The following SNTG1 variants were observed in gnomAD, a reference collection of about 807,000 sequenced individuals.
The protein encoded by SNTG1 is gamma-1-syntrophin.
A neutral mutation model predicts 74.7 loss-of-function variants in SNTG1; 39 were observed. That is an observed-to-expected ratio of 0.52 (90% CI 0.40 to 0.68). The LOEUF is 0.68. Among genes scored for constraint, SNTG1 ranks in the 30% least tolerant of loss-of-function variants. The pLI, the probability that SNTG1 is intolerant of heterozygous loss-of-function variation, is 0.00. For missense variants in SNTG1, 685 were observed against 609.5 expected (o/e 1.12, Z -1.30); for synonymous variants, 254 against 217.1 (o/e 1.17, Z -1.49).
intron 1 of SNTG1, among the ~76,000 whole-genome samples, chr8:50,160,029 C>T (rs939783468): frequency 6.6e-6 from 1 of 152,140 alleles, no homozygotes; most frequent in Non-Finnish European, 1.5e-5. Context: ...AACAATAAAA[C>T]AGTAGCAAAC....
chr8:50,135,453 T>C (rs535191571), intron 1 of SNTG1, among the ~76,000 whole-genome samples: 2 of 152,322 alleles, frequency 1.3e-5, no homozygotes, highest in African/African-American at 4.8e-5. Flanking sequence ...TTTCTATTTG[T>C]GTGTTTAGCA....
intron 9 of SNTG1, among the ~76,000 whole-genome samples, chr8:50,505,372 T>C (rs2093997488): frequency 1.3e-5 from 2 of 152,166 alleles, no homozygotes; most frequent in Non-Finnish European, 2.9e-5. Flanking sequence ...TCCTGGATCA[T>C]ATGTTAATTC....
chr8:49,911,324 T>C (rs1420550462), upstream of SNTG1: 2 of 151,956 alleles, frequency 1.3e-5, no homozygotes, highest in South Asian at 2.1e-4. Flanking sequence ...CAAATCTATA[T>C]ATTTTTTCTC....
chr8:50,451,233 G>A (rs972523852), intron 8 of SNTG1, among the ~76,000 whole-genome samples: 8 of 152,040 alleles, frequency 5.3e-5, no homozygotes, highest in Non-Finnish European at 1.0e-4. Context: ...CTATTACATA[G>A]TATTTGCATT....
chr8:50,511,230 C>G (rs200491647), intron 9 of SNTG1, among the ~76,000 whole-genome samples: 3 of 152,038 alleles, frequency 2.0e-5, no homozygotes, highest in South Asian at 2.1e-4. Flanking sequence ...GCGGTTTTGA[C>G]TGAGTTTCTT....
intron 2 of SNTG1, among the ~76,000 whole-genome samples, chr8:50,297,646 G>A (rs1056289151): frequency 3.3e-5 from 5 of 152,174 alleles, no homozygotes; most frequent in Non-Finnish European, 7.3e-5. Flanking sequence ...TGGAGAAAAG[G>A]AGTGTTCACA....
intron 2 of SNTG1, among the ~76,000 whole-genome samples, chr8:50,369,984 A>G (rs2131141572): frequency 6.6e-6 from 1 of 152,216 alleles, no homozygotes; most frequent in South Asian, 2.1e-4. Context: ...CCATGGTGTG[A>G]TCTGGCCATA....
chr8:50,717,063 A>G (rs1468871156), intron 17 of SNTG1, among the ~76,000 whole-genome samples: 2 of 152,184 alleles, frequency 1.3e-5, no homozygotes, highest in African/African-American at 4.8e-5. Context: ...ATACAAGGAC[A>G]TTATAGAGCA....
intron 8 of SNTG1, among the ~76,000 whole-genome samples, chr8:50,465,819 G>A (rs1385920605): frequency 6.6e-6 from 1 of 152,128 alleles, no homozygotes; most frequent in Non-Finnish European, 1.5e-5. Context: ...TATGGATGCA[G>A]TATAATTTGT....
In SNTG1 at chr8:50,264,268, T is replaced by C. The variant is rs2087339676; in HGVS notation, c.-28+91633T>C. ...TCAAATTAATAACCATAATTTTATC[T>C]TAAGAAACCAGAAAATGCACTGGGT... is the stretch of plus-strand genomic sequence containing the variant. On this transcript the variant is annotated intron_variant, in intron 2 of 18. Transcript: ENST00000642720. 2.0e-5 allele frequency among the ~76,000 whole-genome samples: 3 copies of C among 152,100 alleles called. No homozygotes were observed. The South Asian group carries it at 6.2e-4, about 32-fold the overall frequency.
chr8:50,478,434 G>A (rs1268835106), intron 8 of SNTG1, among the ~76,000 whole-genome samples: 5 of 152,068 alleles, frequency 3.3e-5, no homozygotes, highest in Non-Finnish European at 7.4e-5. Context: ...AATTTGATAA[G>A]CTAAAAGTTC....
chr8:50,434,346 A>C (rs1047644020), intron 4 of SNTG1, among the ~76,000 whole-genome samples: 3 of 152,194 alleles, frequency 2.0e-5, no homozygotes, highest in Non-Finnish European at 4.4e-5. Context: ...GCCACAATAA[A>C]TATACGTGTG....
chr8:50,149,573 G>A (rs929676375), intron 1 of SNTG1, among the ~76,000 whole-genome samples: 3 of 152,162 alleles, frequency 2.0e-5, no homozygotes, highest in South Asian at 2.1e-4. Context: ...TTTGTATAAG[G>A]TGTAAGGAAG....
At chr8:50,155,132 T>A (rs1015088191) in intron 1 of SNTG1, among the ~76,000 whole-genome samples, 1 of 152,234 alleles carries the variant, frequency 6.6e-6, no homozygotes, top group African/African-American at 2.4e-5. Context: ...TTTGCCACCA[T>A]GCTTGAAACA....
intron 8 of SNTG1, among the ~76,000 whole-genome samples, chr8:50,470,247 T>A (rs1436335674): frequency 6.6e-6 from 1 of 152,218 alleles, no homozygotes; most frequent in African/African-American, 2.4e-5. Flanking sequence ...TGAACTTTAA[T>A]CCTAAGAAAT....
chr8:50,790,838 G>A (rs2095688782), intron 18 of SNTG1, among the ~76,000 whole-genome samples: 1 of 151,690 alleles, frequency 6.6e-6, no homozygotes, highest in South Asian at 2.1e-4. Flanking sequence ...AAAGATGCCT[G>A]GATACTTAGA....
chr8:50,037,046 C>G (rs573458119), intron 1 of SNTG1, among the ~76,000 whole-genome samples: 13 of 152,308 alleles, frequency 8.5e-5, no homozygotes, highest in African/African-American at 2.9e-4. Context: ...ACATAACTTT[C>G]CAAGCTCTTG....
intron 3 of SNTG1, among the ~76,000 whole-genome samples, chr8:50,397,390 C>T (rs986099378): frequency 3.3e-5 from 5 of 152,196 alleles, no homozygotes; most frequent in Admixed American, 3.3e-4. Flanking sequence ...TCTGTAAAGA[C>T]TTTGCAGGTG....
chr8:50,541,175 T>C (rs1010478027), intron 11 of SNTG1, among the ~76,000 whole-genome samples: 21 of 151,824 alleles, frequency 1.4e-4, no homozygotes, highest in African/African-American at 4.8e-4. Flanking sequence ...TTGTATCACA[T>C]TGCAAAACTG....
Sources: allele counts gnomAD v4.1 joint callset (sites outside exome capture counted in the v4.1 genomes callset), GRCh38; gene constraint gnomAD v4.1.1; transcripts MANE v1.5; gene names NCBI Gene and HGNC (gene_info 2026-07-23, HGNC 2026-07-21).